PARD3B: variants seen among roughly 807,000 people sequenced by gnomAD.
The protein encoded by PARD3B is par-3 family cell polarity regulator beta, also known as partitioning defective 3 homolog B.
Under a neutral mutation model 130.2 loss-of-function variants are expected in PARD3B, and 103 were observed. The observed-to-expected ratio is 0.79, with a 90% confidence interval of 0.67 to 0.93. The LOEUF (loss-of-function observed/expected upper bound fraction) is 0.93. Among genes scored for constraint, PARD3B ranks in the 40% least tolerant of loss-of-function variants. The probability of loss-of-function intolerance (pLI) is 0.00; values close to 1 mark genes in which losing one functional copy is unlikely to be tolerated. For missense variants in PARD3B, 1,609 were observed against 1,499.2 expected (o/e 1.07, Z -1.21); for synonymous variants, 583 against 553.2 (o/e 1.05, Z -0.76).
chr2:205,071,439 A>G (rs906537463), intron 4 of PARD3B, among the ~76,000 whole-genome samples: 3 of 152,180 alleles, frequency 2.0e-5, no homozygotes, highest in Non-Finnish European at 4.4e-5. Flanking sequence ...GACTTAGGGA[A>G]AATATGTGAA....
intron 16 of PARD3B, among the ~76,000 whole-genome samples, chr2:205,266,639 T>A (rs966635751): frequency 1.3e-5 from 2 of 151,426 alleles, no homozygotes; most frequent in Admixed American, 1.3e-4. Flanking sequence ...CTTGTGTCTC[T>A]TTTGACCTTT....
At chr2:204,874,192 A>G (rs149271896) in intron 2 of PARD3B, among the ~76,000 whole-genome samples, 31 of 152,200 alleles carry the variant, frequency 2.0e-4, no homozygotes, top group African/African-American at 6.3e-4. Flanking sequence ...AAAAAACAAA[A>G]CTAAGTGTGG....
intron 2 of PARD3B, among the ~76,000 whole-genome samples, chr2:204,894,986 C>A (rs1575236513): frequency 6.6e-6 from 1 of 151,812 alleles, no homozygotes; most frequent in African/African-American, 2.4e-5. Flanking sequence ...TACAGAAGCA[C>A]TAACTTAAAA....
intron 2 of PARD3B, among the ~76,000 whole-genome samples, chr2:204,858,358 A>G (rs2045039365): frequency 6.6e-6 from 1 of 152,100 alleles, no homozygotes; most frequent in Non-Finnish European, 1.5e-5. Context: ...TGTATACACA[A>G]TAGAATATTA....
chr2:205,607,025 G>A (rs1488076553), intron 22 of PARD3B, among the ~76,000 whole-genome samples: 3 of 152,064 alleles, frequency 2.0e-5, no homozygotes, highest in Admixed American at 1.3e-4. Context: ...CAACGTTCAA[G>A]GTACTAGACC....
chr2:204,707,463 A>G (rs2038222946), intron 2 of PARD3B, among the ~76,000 whole-genome samples: 2 of 151,986 alleles, frequency 1.3e-5, no homozygotes, highest in African/African-American at 4.8e-5. Flanking sequence ...TAGTATTGAA[A>G]CTTTTCTTGG....
intron 1 of PARD3B, among the ~76,000 whole-genome samples, chr2:204,625,670 C>T (rs999675665): frequency 6.6e-6 from 1 of 152,194 alleles, no homozygotes. Context: ...ATTTATAACA[C>T]ATGCCTTGAA....
intron 2 of PARD3B, among the ~76,000 whole-genome samples, chr2:204,822,073 A>T (rs531288206): frequency 7.5e-4 from 114 of 152,214 alleles, no homozygotes; most frequent in Non-Finnish European, 1.5e-3. Context: ...AACCTTCTGG[A>T]AAGGATTCAC....
In PARD3B at chr2:205,291,076, A is replaced by T. The variant is rs1300843421; in HGVS notation, c.2186-9454A>T. On this transcript the variant is annotated intron_variant, in intron 16 of 22. Coordinates refer to ENST00000406610, the MANE Select transcript of PARD3B (RefSeq NM_001302769.2). This position sits in a 1 kb window ranked among gnomAD's most constrained non-coding sequence, Gnocchi z 4.6. ...AAAATTGGTACCAAGAAGTAAAATG[A>T]CACTATAACAAATACCTAAAAATAT... Among the ~76,000 whole-genome samples the T allele has an allele frequency of 2.6e-5, 4 of 152,208 alleles. No homozygotes were observed. Among genetic ancestry groups the T allele is most frequent in the Admixed American group, 1.3e-4 (2 of 15,288 alleles).
rs368410470 is a variant in PARD3B at position 205,124,230 on chromosome 2, C to A, written c.1166-97C>A. 3.3e-5 allele frequency: 32 copies of A among 973,000 alleles called. No homozygotes were observed. In the East Asian group the frequency reaches 7.2e-4, roughly 22 times the overall value. The allele number at this position is 973,000 out of a possible 1,614,324, so 60.3% of individuals were successfully genotyped here. A position where few individuals can be genotyped will look rare whatever the true frequency, so the allele number is the denominator to read the frequency against. ...CCAGAATGTAAATATTTTACTGATT[C>A]TATATTAGTCTAAATTAGGTAGATC... On this transcript the variant is annotated intron_variant, in intron 8 of 22. Coordinates refer to ENST00000406610, the MANE Select transcript of PARD3B (RefSeq NM_001302769.2).
At chr2:205,360,121 C>T (rs2044335352) in intron 18 of PARD3B, among the ~76,000 whole-genome samples, 1 of 152,094 alleles carries the variant, frequency 6.6e-6, no homozygotes, top group African/African-American at 2.4e-5. Flanking sequence ...AGTTGTATTT[C>T]ATTGTGTTTT....
At chr2:205,492,566 C>G (rs143634598) in intron 20 of PARD3B, among the ~76,000 whole-genome samples, 7 of 152,074 alleles carry the variant, frequency 4.6e-5, no homozygotes, top group African/African-American at 1.7e-4. Context: ...AGAAGTATCC[C>G]CAAAGTTGTC....
intron 3 of PARD3B, among the ~76,000 whole-genome samples, chr2:204,998,324 A>ATG (rs1485309140): frequency 6.0e-5 from 2 of 33,396 alleles, no homozygotes; most frequent in Non-Finnish European, 1.1e-4. Flanking sequence ...ATATATATAT[A>ATG]TATATATATA....
intron 3 of PARD3B, among the ~76,000 whole-genome samples, chr2:205,003,256 T>A (rs570600969): frequency 2.4e-4 from 37 of 152,182 alleles, no homozygotes; most frequent in Non-Finnish European, 4.7e-4. Flanking sequence ...TCCAGGACAG[T>A]CTTCCTCTGC....
At chr2:204,711,279 A>G (rs1307601190) in intron 2 of PARD3B, among the ~76,000 whole-genome samples, 1 of 152,182 alleles carries the variant, frequency 6.6e-6, no homozygotes, top group African/African-American at 2.4e-5. Flanking sequence ...GTTTTACAAC[A>G]AACTTTATGA....
At chr2:204,971,703 G>A (rs992231384) in intron 3 of PARD3B, among the ~76,000 whole-genome samples, 4 of 151,524 alleles carry the variant, frequency 2.6e-5, no homozygotes, top group Admixed American at 2.6e-4. Context: ...TCATCAATCA[G>A]TCATAGCCAT....
In PARD3B at chr2:205,079,591, A is replaced by G. The variant is rs1382413392; in HGVS notation, c.505-24835A>G. 2.0e-5 allele frequency among the ~76,000 whole-genome samples: 3 copies of G among 152,228 alleles called. No homozygotes were observed. The East Asian group carries it at 5.8e-4, about 29-fold the overall frequency. Reference sequence around the variant, plus strand: ...AAGACCTGATCACCTCCCAAAGGCCACACTTCTTAATACTGTTGCATTGGG... The same window carrying G: ...AAGACCTGATCACCTCCCAAAGGCCGCACTTCTTAATACTGTTGCATTGGG... On this transcript the variant is annotated intron_variant, in intron 4 of 22. Coordinates refer to ENST00000406610, the MANE Select transcript of PARD3B (RefSeq NM_001302769.2).
intron 20 of PARD3B, among the ~76,000 whole-genome samples, chr2:205,475,988 A>G (rs1380714222): frequency 6.6e-6 from 1 of 152,174 alleles, no homozygotes; most frequent in African/African-American, 2.4e-5. Flanking sequence ...TGTTAATTTT[A>G]CACAGGAAAA....
chr2:205,516,812 G>C (rs924707259), intron 21 of PARD3B, among the ~76,000 whole-genome samples: 4 of 152,074 alleles, frequency 2.6e-5, no homozygotes, highest in African/African-American at 9.7e-5. Context: ...TTGATCAGGA[G>C]TGGTGAGAGA....
Sources: allele counts gnomAD v4.1 joint callset (sites outside exome capture counted in the v4.1 genomes callset), GRCh38; gene constraint gnomAD v4.1.1; non-coding constraint Gnocchi (gnomAD v3.1); transcripts MANE v1.5; gene names NCBI Gene and HGNC (gene_info 2026-07-23, HGNC 2026-07-21).